The following PLS1 variants were observed in gnomAD, a reference collection of about 807,000 sequenced individuals.
The protein encoded by PLS1 is plastin-1.
Under a neutral mutation model 73.7 loss-of-function variants are expected in PLS1, and 32 were observed. The observed-to-expected ratio is 0.43, with a 90% CI of 0.33 to 0.58. PLS1 has a LOEUF of 0.58. PLS1 is among the 20% of genes least tolerant of loss of function. PLS1 has a pLI of 0.04. For synonymous variants in PLS1, 217 were observed against 261.3 expected, an observed-to-expected ratio of 0.83 and a Z score of 1.63; for missense variants, 633 against 740.5, an observed-to-expected ratio of 0.85 and a Z score of 1.68.
chr3:142,643,862 T>A (rs1412642287), intron 1 of PLS1, among the ~76,000 whole-genome samples: 3 of 147,356 alleles, frequency 2.0e-5, no homozygotes, highest in African/African-American at 5.1e-5. Context: ...GGAGTTTCGC[T>A]CTTGTCACCC....
intron 3 of PLS1, 131 bp from the exon 4 acceptor site, chr3:142,670,862 T>C (rs2037590073): frequency 1.7e-6 from 1 of 595,946 alleles, no homozygotes; most frequent in African/African-American, 1.9e-5. Flanking sequence ...TATCTGTGTA[T>C]ACAAGCAATA....
chr3:142,664,143 T>A, intron 1 of PLS1, 59 bp from the exon 2 acceptor site: 2 of 684,892 alleles, frequency 2.9e-6, no homozygotes, highest in South Asian at 3.7e-5. Flanking sequence ...GTACCTTATA[T>A]TGCTTAGTTA....
intron 1 of PLS1, among the ~76,000 whole-genome samples, chr3:142,653,029 C>T (rs1041645483): frequency 4.6e-5 from 7 of 152,052 alleles, no homozygotes; most frequent in African/African-American, 1.2e-4. Flanking sequence ...TTTTTGGGTC[C>T]GCGTCCATAT....
At chr3:142,616,510 G>C (rs1194274991) in intron 1 of PLS1, among the ~76,000 whole-genome samples, 1 of 152,100 alleles carries the variant, frequency 6.6e-6, no homozygotes, top group East Asian at 1.9e-4. Context: ...CAGGCCATTT[G>C]ACTGTGATCA....
At chr3:142,700,315 T>TA (rs2038300317) in intron 12 of PLS1, among the ~76,000 whole-genome samples, 1 of 149,624 alleles carries the variant, frequency 6.7e-6, no homozygotes, top group African/African-American at 2.5e-5. Context: ...TTATTATTAT[T>TA]ATTTTATTTA....
At chr3:142,598,713 A>G (rs866702646) in intron 1 of PLS1, among the ~76,000 whole-genome samples, 5 of 152,284 alleles carry the variant, frequency 3.3e-5, no homozygotes, top group Admixed American at 6.5e-5. Context: ...AGTACCTCCA[A>G]TTGGCTGGGT....
intron 1 of PLS1, among the ~76,000 whole-genome samples, chr3:142,632,090 A>G (rs938755975): frequency 4.6e-5 from 7 of 152,196 alleles, no homozygotes; most frequent in African/African-American, 1.4e-4. Flanking sequence ...TGACATACAA[A>G]TGGTCCATAA....
chr3:142,675,868 G>C (rs926678542), intron 4 of PLS1, among the ~76,000 whole-genome samples: 8 of 151,560 alleles, frequency 5.3e-5, no homozygotes, highest in African/African-American at 1.7e-4. Context: ...AGAGACGGGG[G>C]TTTCTCCATG....
chr3:142,692,485 A>T (rs1338679272), intron 10 of PLS1, among the ~76,000 whole-genome samples: 1 of 152,162 alleles, frequency 6.6e-6, no homozygotes, highest in African/African-American at 2.4e-5. Context: ...GCACAAATGC[A>T]TAGTGCCTCT....
intron 1 of PLS1, among the ~76,000 whole-genome samples, chr3:142,612,280 T>G (rs982026421): frequency 2.0e-5 from 3 of 152,234 alleles, no homozygotes; most frequent in Admixed American, 2.0e-4. Flanking sequence ...TTTTCTGAAC[T>G]TAATTAACAC....
chr3:142,701,491 C>G (rs186630755), intron 12 of PLS1, among the ~76,000 whole-genome samples: 4 of 152,296 alleles, frequency 2.6e-5, no homozygotes, highest in Non-Finnish European at 5.9e-5. Context: ...ATTAGGGATG[C>G]TCAACCTGTA....
intron 2 of PLS1, among the ~76,000 whole-genome samples, chr3:142,665,309 A>C (rs1327481994): frequency 1.3e-5 from 2 of 151,918 alleles, no homozygotes; most frequent in South Asian, 2.1e-4. Flanking sequence ...AAAAAAAAAA[A>C]AACCAAAAAA....
chr3:142,695,061 A>G (rs980196538), intron 11 of PLS1, among the ~76,000 whole-genome samples: 3 of 152,174 alleles, frequency 2.0e-5, no homozygotes, highest in African/African-American at 7.2e-5. Flanking sequence ...ATTTTACTAA[A>G]TCAACTCCTG....
At chr3:142,692,486 T>C (rs1385698317) in intron 10 of PLS1, among the ~76,000 whole-genome samples, 1 of 152,166 alleles carries the variant, frequency 6.6e-6, no homozygotes, top group African/African-American at 2.4e-5. Flanking sequence ...CACAAATGCA[T>C]AGTGCCTCTA....
chr3:142,646,211 C>T (rs997663927), intron 1 of PLS1, among the ~76,000 whole-genome samples: 8 of 152,034 alleles, frequency 5.3e-5, no homozygotes, highest in African/African-American at 1.4e-4. Flanking sequence ...CTATAGTGAA[C>T]GCCCATGAAT....
intron 1 of PLS1, among the ~76,000 whole-genome samples, chr3:142,622,355 A>T (rs890087740): frequency 6.6e-6 from 1 of 152,200 alleles, no homozygotes; most frequent in Admixed American, 6.5e-5. Flanking sequence ...CACCACAATC[A>T]AGACGTAGAA....
chr3:142,610,517 A>G lies in PLS1; in HGVS notation c.-37+14008A>G, dbSNP rs531027195. ...AATAAGCTTAAGGTGAACTAAGCCC[A>G]TAGGATGTTTTTTTAATATAATTTT... On this transcript the variant is annotated intron_variant, in intron 1 of 15. Coordinates refer to ENST00000457734, the MANE Select transcript of PLS1 (RefSeq NM_001145319.2). Among the ~76,000 whole-genome samples, 82 of 152,324 alleles carry G rather than the reference A, an allele frequency of 5.4e-4. 1 individual carries two copies. The South Asian group carries it at 0.011, about 20-fold the overall frequency.
intron 1 of PLS1, among the ~76,000 whole-genome samples, chr3:142,652,483 C>T (rs2037119188): frequency 6.6e-6 from 1 of 152,146 alleles, no homozygotes; most frequent in South Asian, 2.1e-4. Flanking sequence ...TTTTGTGCCC[C>T]TTGGACAAGC....
intron 1 of PLS1, among the ~76,000 whole-genome samples, chr3:142,662,267 C>T (rs1007767535): frequency 2.6e-5 from 4 of 152,106 alleles, no homozygotes; most frequent in Non-Finnish European, 5.9e-5. Context: ...CTTGCAGGGA[C>T]GTGGATGAAG....
Sources: gnomAD v4.1 joint callset for allele counts (sites outside exome capture counted in the v4.1 genomes callset) on GRCh38, gnomAD v4.1.1 for gene constraint, MANE v1.5 for transcripts, NCBI Gene and HGNC (gene_info 2026-07-23, HGNC 2026-07-21) for gene names.